MOV10L1: variants seen among roughly 807,000 people sequenced by gnomAD.
The protein encoded by MOV10L1 is Mov10 like RNA helicase 1, also known as RNA helicase Mov10l1.
Under a neutral mutation model 143.8 loss-of-function variants are expected in MOV10L1, and 110 were observed. The ratio of observed to expected loss-of-function variants is 0.76; its 90% CI spans 0.66 to 0.90. The LOEUF (loss-of-function observed/expected upper bound fraction) is 0.90, where lower values mean the gene tolerates loss of function less well. Ranked by LOEUF, MOV10L1 falls within the 40% of genes least tolerant of loss-of-function variation. The pLI, the probability that MOV10L1 is intolerant of heterozygous loss-of-function variation, is 0.00. For synonymous variants in MOV10L1, 593 were observed against 581.1 expected (o/e 1.02, Z -0.29); for missense variants, 1,406 against 1,526.8 (o/e 0.92, Z 1.32).
chr22:50,145,931 C>T, intron 19 of MOV10L1, 121 bp downstream of exon 19: 1 of 1,449,152 alleles, frequency 6.9e-7, no homozygotes, highest in Admixed American at 1.9e-5. Context: ...GGAGGCAGGG[C>T]TGTGGGCGAG....
intron 16 of MOV10L1, 31 bp downstream of exon 16, chr22:50,142,220 C>A: frequency 6.4e-7 from 1 of 1,562,430 alleles, no homozygotes; most frequent in Non-Finnish European, 8.7e-7. Flanking sequence ...AGGAGAAGAG[C>A]AACTCTGAGA....
At chr22:50,128,646 G>T (rs781119477) in intron 13 of MOV10L1, 139 bp downstream of exon 13, 4 of 567,760 alleles carry the variant, frequency 7.0e-6, no homozygotes, top group Non-Finnish European at 1.2e-5. Flanking sequence ...CCAGGTTCAA[G>T]CGATTCTCCT....
intron 19 of MOV10L1, among the ~76,000 whole-genome samples, chr22:50,146,694 C>T (rs1033358238): frequency 2.0e-5 from 3 of 152,062 alleles, no homozygotes; most frequent in African/African-American, 7.2e-5. Context: ...CAGTGTCCAG[C>T]GTCACGGTGG....
chr22:50,142,729 G>A (rs1202336346), intron 16 of MOV10L1, among the ~76,000 whole-genome samples: 1 of 151,960 alleles, frequency 6.6e-6, no homozygotes, highest in African/African-American at 2.4e-5. Flanking sequence ...CCAGCTACCC[G>A]GGAGGCTGAC....
At chr22:50,143,872 G>A (rs551510776) in intron 17 of MOV10L1, among the ~76,000 whole-genome samples, 2 of 152,360 alleles carry the variant, frequency 1.3e-5, no homozygotes, top group Non-Finnish European at 2.9e-5. Context: ...CCTGAAAGGT[G>A]GTTTAGAATC....
chr22:50,102,375 A>G (rs1225025534), intron 3 of MOV10L1, among the ~76,000 whole-genome samples: 4 of 152,246 alleles, frequency 2.6e-5, no homozygotes, highest in Non-Finnish European at 5.9e-5. Flanking sequence ...ATAGCTGTAC[A>G]TGAGCAAAAG....
At chr22:50,132,968 G>A (rs973648400) in intron 13 of MOV10L1, among the ~76,000 whole-genome samples, 22 of 151,998 alleles carry the variant, frequency 1.4e-4, no homozygotes, top group South Asian at 2.1e-4. Flanking sequence ...CCCAGGAGGC[G>A]GAGGTTGCAG....
At chr22:50,103,998 G>A (rs911816167) in intron 3 of MOV10L1, among the ~76,000 whole-genome samples, 1 of 152,114 alleles carries the variant, frequency 6.6e-6, no homozygotes, top group Non-Finnish European at 1.5e-5. Context: ...ATCAGTGGGA[G>A]CCCTGAGCTT....
At chr22:50,117,525 C>T (rs1313735739) in intron 9 of MOV10L1, among the ~76,000 whole-genome samples, 174 bp downstream of exon 9, 3 of 152,090 alleles carry the variant, frequency 2.0e-5, no homozygotes, top group Admixed American at 6.5e-5. Context: ...TGCATTTCCA[C>T]GGAGCTCTGA....
In MOV10L1 at chr22:50,106,699, CTT is replaced by C. The variant is rs71198216; in HGVS notation, c.443-1418_443-1417del. Among the ~76,000 whole-genome samples the C allele has an allele frequency of 4.3e-4, 52 of 120,680 alleles. 1 individual carries two copies. Among genetic ancestry groups the C allele is most frequent in the East Asian group, 3.7e-3 (15 of 4,052 alleles). The allele number at this position is 120,680 out of a possible 152,430, so 79.2% of individuals were successfully genotyped here. On this transcript the variant is annotated intron_variant, in intron 3 of 26. Transcript: ENST00000262794. ...TTAAATTGTGGTTTTAGGACATGGT[CTT>C]TTTTTTTTTTTTTTTTTTGAGACGG...
chr22:50,131,456 C>T (rs1174462620), intron 13 of MOV10L1, among the ~76,000 whole-genome samples: 3 of 152,036 alleles, frequency 2.0e-5, no homozygotes, highest in Non-Finnish European at 4.4e-5. Flanking sequence ...TTGGTGAAGT[C>T]CAGTTTATGA....
chr22:50,133,918 A>G, intron 13 of MOV10L1, 89 bp from the exon 14 acceptor site: 1 of 1,049,012 alleles, frequency 9.5e-7, no homozygotes, highest in Admixed American at 2.5e-5. Context: ...TGACTTAAAG[A>G]TTGTATCATA....
At chr22:50,139,901 T>G (rs1486327270) in intron 15 of MOV10L1, among the ~76,000 whole-genome samples, 1 of 152,162 alleles carries the variant, frequency 6.6e-6, no homozygotes, top group East Asian at 1.9e-4. Context: ...CGTACCCTGC[T>G]GTGGGAATGG....
chr22:50,093,947 A>G (rs1170066525), intron 2 of MOV10L1: 3 of 152,234 alleles, frequency 2.0e-5, no homozygotes, highest in Non-Finnish European at 4.4e-5. Flanking sequence ...GATTTGGAAA[A>G]TTCCTTAATC....
At chr22:50,134,711 G>A (rs879096253) in intron 15 of MOV10L1, 81 bp downstream of exon 15, 21 of 1,204,388 alleles carry the variant, frequency 1.7e-5, no homozygotes, top group Admixed American at 1.0e-4. Context: ...GTGGCTCAGC[G>A]GCGTGACTGT....
Position 50,090,068 on chromosome 22 carries a change from A to ACGGCGGTGACGGCG in MOV10L1, c.-21_-20insCGGCGGTGACGGCG, listed in dbSNP as rs781400852. 1.7e-4 allele frequency: 208 copies of ACGGCGGTGACGGCG among 1,240,662 alleles called. No individual in the cohort carries two copies. The African/African-American group carries it at 2.1e-3, about 13-fold the overall frequency. 76.9% of individuals were successfully genotyped at this position (1,240,662 alleles called of 1,614,324 possible). On this transcript the variant is annotated 5_prime_UTR_variant, in exon 1 of 27. Transcript: ENST00000262794. ...GGGCGGCGGCAGCGGCGGTGACGGC[A>ACGGCGGTGACGGCG]GCCTAGGCCGGGCGAGGGCCATGCT... is the stretch of plus-strand genomic sequence containing the variant.
intron 11 of MOV10L1, 110 bp downstream of exon 11, chr22:50,125,679 CT>C: frequency 1.7e-6 from 2 of 1,165,294 alleles, no homozygotes; most frequent in Non-Finnish European, 2.4e-6. Flanking sequence ...CATTTTCTTT[CT>C]TTTGGGTTAG....
intron 7 of MOV10L1, 123 bp from the exon 8 acceptor site, chr22:50,114,991 C>A: frequency 9.1e-7 from 1 of 1,099,038 alleles, no homozygotes; most frequent in Non-Finnish European, 1.3e-6. Context: ...GGCTTTGCCC[C>A]GTGTTTTTGT....
At chr22:50,134,508 T>C in intron 14 of MOV10L1, 22 bp from the exon 15 acceptor site, 1 of 1,604,850 alleles carries the variant, frequency 6.2e-7, no homozygotes, top group Non-Finnish European at 8.5e-7. Flanking sequence ...ACCCGTGCTC[T>C]TACCATTTTT....
Sources: allele counts gnomAD v4.1 joint callset (sites outside exome capture counted in the v4.1 genomes callset), GRCh38; gene constraint gnomAD v4.1.1; transcripts MANE v1.5; gene names NCBI Gene and HGNC (gene_info 2026-07-23, HGNC 2026-07-21).